The following SHB variants were observed in gnomAD, a reference collection of about 807,000 sequenced individuals.
SHB encodes SH2 domain-containing adapter protein B.
Under a neutral mutation model 52.3 loss-of-function variants are expected in SHB, and 20 were observed. That is an observed-to-expected ratio of 0.38 (90% CI 0.27 to 0.56). The LOEUF (loss-of-function observed/expected upper bound fraction) is 0.56. Ranked by LOEUF, SHB falls within the 20% of genes least tolerant of loss-of-function variation. The probability of loss-of-function intolerance (pLI) is 0.71; values close to 1 mark genes in which losing one functional copy is unlikely to be tolerated. For missense variants in SHB, 825 were observed against 723.3 expected (o/e 1.14, Z -1.61); for synonymous variants, 397 against 316.5 (o/e 1.25, Z -2.70).
intron 3 of SHB, among the ~76,000 whole-genome samples, chr9:37,963,588 A>C (rs1832717259): frequency 6.6e-6 from 1 of 152,126 alleles, no homozygotes; most frequent in Non-Finnish European, 1.5e-5. Flanking sequence ...CCTGCACAGC[A>C]CCAACAGCTA....
At chr9:37,973,223 C>T (rs761804717) in intron 3 of SHB, among the ~76,000 whole-genome samples, 9 of 152,082 alleles carry the variant, frequency 5.9e-5, no homozygotes, top group African/African-American at 2.2e-4. Context: ...GTGCCTTTTC[C>T]GAATTTTTTT....
At chr9:37,941,414 A>G (rs1832432651) in intron 5 of SHB, among the ~76,000 whole-genome samples, 1 of 152,240 alleles carries the variant, frequency 6.6e-6, no homozygotes, top group East Asian at 1.9e-4. Flanking sequence ...CCTTTGCCCA[A>G]CACTACCCTG....
At position 38,006,347 on chromosome 9, in the gene SHB, G is replaced by A. The variant is rs563264203; in HGVS notation, c.838+9664C>T. ...TGTTTTCCTAAATGACTTCCTAATC[G>A]TGCCACACCCCTGCAGTGTGGGTTT... On this transcript the variant is annotated intron_variant, in intron 2 of 5. Coordinates refer to ENST00000377707, the MANE Select transcript of SHB (RefSeq NM_003028.3). Among the ~76,000 whole-genome samples the A allele has an allele frequency of 3.3e-5, 5 of 152,214 alleles. No homozygotes were observed. In the South Asian group the frequency reaches 6.2e-4, roughly 19 times the overall value.
intron 1 of SHB, among the ~76,000 whole-genome samples, chr9:38,044,565 T>C (rs1265002801): frequency 6.6e-6 from 1 of 152,178 alleles, no homozygotes; most frequent in Non-Finnish European, 1.5e-5. Flanking sequence ...CACTCCCACC[T>C]GCCACTGAGG....
intron 1 of SHB, among the ~76,000 whole-genome samples, chr9:38,058,644 G>A (rs1390218056): frequency 1.3e-5 from 2 of 152,134 alleles, no homozygotes; most frequent in Non-Finnish European, 2.9e-5. Flanking sequence ...AGCGAGGAAG[G>A]CCTCTTCAAT....
intron 2 of SHB, among the ~76,000 whole-genome samples, chr9:37,982,497 A>G (rs1489418098): frequency 3.3e-5 from 5 of 152,002 alleles, no homozygotes; most frequent in African/African-American, 1.2e-4. Context: ...CGTCTCAAAA[A>G]AAATGGATAA....
At chr9:38,028,785 T>C (rs1821377027) in intron 1 of SHB, among the ~76,000 whole-genome samples, 1 of 152,260 alleles carries the variant, frequency 6.6e-6, no homozygotes, top group South Asian at 2.1e-4. Context: ...GATTCCATTT[T>C]TCTAAAATAT....
At chr9:38,000,517 G>C (rs942356317) in intron 2 of SHB, among the ~76,000 whole-genome samples, 3 of 152,230 alleles carry the variant, frequency 2.0e-5, no homozygotes, top group African/African-American at 4.8e-5. Flanking sequence ...AGCAGAGCCA[G>C]GGGGCGGGGG....
At chr9:37,979,381 A>T (rs1105774) in intron 2 of SHB, among the ~76,000 whole-genome samples, 64,277 of 151,980 alleles carry the variant, frequency 0.42, 13,710 homozygotes, top group East Asian at 0.72. Context: ...AGAGAATGTT[A>T]GAACTGAAAG....
chr9:38,067,003 G>C (rs576711383), intron 1 of SHB, among the ~76,000 whole-genome samples: 2 of 152,288 alleles, frequency 1.3e-5, no homozygotes, highest in South Asian at 2.1e-4. Context: ...CCAGAAGACA[G>C]AACAAGTATT....
chr9:37,973,284 TGCGATCTCG>T (rs1268656110), intron 3 of SHB, among the ~76,000 whole-genome samples: 8 of 152,206 alleles, frequency 5.3e-5, no homozygotes, highest in Middle Eastern at 3.2e-3. Flanking sequence ...AGTGCAATGG[TGCGATCTCG>T]GCTCACCGCA....
chr9:38,043,953 TCAGGGCCAGGCCTCAATC>T (rs1434017719), intron 1 of SHB, among the ~76,000 whole-genome samples: 1 of 151,766 alleles, frequency 6.6e-6, no homozygotes, highest in African/African-American at 2.4e-5. Context: ...CAGAGAAAGC[TCAGGGCCAGGCCTCAATC>T]CAGGGCCATG....
At chr9:38,063,782 CTGTT>C (rs1218074815) in intron 1 of SHB, among the ~76,000 whole-genome samples, 1 of 148,964 alleles carries the variant, frequency 6.7e-6, no homozygotes, top group Non-Finnish European at 1.5e-5. Flanking sequence ...AGTTTAGAAA[CTGTT>C]TGCTGGATGT....
At chr9:38,030,602 G>T (rs1235954273) in intron 1 of SHB, among the ~76,000 whole-genome samples, 1 of 152,188 alleles carries the variant, frequency 6.6e-6, no homozygotes, top group African/African-American at 2.4e-5. Context: ...AGCTTCACAG[G>T]TGAGTGGCCT....
intron 2 of SHB, among the ~76,000 whole-genome samples, chr9:37,996,279 A>G (rs899432234): frequency 4.6e-5 from 7 of 152,318 alleles, no homozygotes; most frequent in Non-Finnish European, 1.0e-4. Flanking sequence ...CCTCACACCC[A>G]GGATGAACTT....
intron 2 of SHB, among the ~76,000 whole-genome samples, chr9:37,998,402 C>T (rs1186052645): frequency 3.9e-5 from 6 of 152,166 alleles, no homozygotes; most frequent in Non-Finnish European, 8.8e-5. Flanking sequence ...GTCTCTGCAT[C>T]GCCTGTTTTC....
intron 5 of SHB, among the ~76,000 whole-genome samples, chr9:37,943,074 C>T (rs1214988417): frequency 6.6e-6 from 1 of 152,188 alleles, no homozygotes; most frequent in South Asian, 2.1e-4. Flanking sequence ...CCGACCCCTC[C>T]ACCTGGTGAT....
At chr9:38,060,321 T>C (rs1056156301) in intron 1 of SHB, among the ~76,000 whole-genome samples, 5 of 152,092 alleles carry the variant, frequency 3.3e-5, no homozygotes, top group Non-Finnish European at 7.4e-5. Flanking sequence ...ATTACAGACA[T>C]GTGCCAACAC....
Position 37,935,536 on chromosome 9 carries a change from G to A in SHB, c.1346+13099C>T, listed in dbSNP as rs139061636. 7.4e-4 allele frequency among the ~76,000 whole-genome samples: 112 copies of A among 152,270 alleles called. No individual in the cohort carries two copies. In the East Asian group the frequency reaches 0.015, roughly 21 times the overall value. Reference sequence around the variant, plus strand: ...TCTCTCTGAGCCCGTCTCCTTCAGCGTAAAGTGAGTTGCTGTGGGGAGTCA... The same window carrying A: ...TCTCTCTGAGCCCGTCTCCTTCAGCATAAAGTGAGTTGCTGTGGGGAGTCA... On this transcript the variant is annotated intron_variant, in intron 5 of 5. Transcript: ENST00000377707.
Sources: allele counts gnomAD v4.1 joint callset (sites outside exome capture counted in the v4.1 genomes callset), GRCh38; gene constraint gnomAD v4.1.1; transcripts MANE v1.5; gene names NCBI Gene and HGNC (gene_info 2026-07-23, HGNC 2026-07-21).